The following PCDH7 variants were observed in gnomAD, a reference collection of about 807,000 sequenced individuals.
PCDH7 encodes protocadherin-7.
PCDH7 carries 17 observed loss-of-function variants against 58.9 expected under a neutral mutation model. The ratio of observed to expected loss-of-function variants is 0.29; its 90% CI spans 0.20 to 0.43. The LOEUF is 0.43. PCDH7 is among the 20% of genes least tolerant of loss of function. The pLI, the probability that PCDH7 is intolerant of heterozygous loss-of-function variation, is 1.00. For missense variants in PCDH7, 1,274 were observed against 1,441.0 expected (o/e 0.88, Z 1.88); for synonymous variants, 664 against 616.4 (o/e 1.08, Z -1.14).
chr4:30,821,315 A>G (rs1433123900), intron 1 of PCDH7, among the ~76,000 whole-genome samples: 2 of 152,190 alleles, frequency 1.3e-5, no homozygotes, highest in African/African-American at 4.8e-5. Flanking sequence ...GGGTCAGATA[A>G]GTTTTATCCA....
intron 1 of PCDH7, among the ~76,000 whole-genome samples, chr4:30,744,580 G>C (rs1391844141): frequency 6.6e-6 from 1 of 152,290 alleles, no homozygotes; most frequent in East Asian, 1.9e-4. Flanking sequence ...TATGATAAGG[G>C]TTATAATGGG....
At chr4:30,726,226 A>T (rs1223072750) in intron 1 of PCDH7, among the ~76,000 whole-genome samples, 1 of 152,020 alleles carries the variant, frequency 6.6e-6, no homozygotes, top group Non-Finnish European at 1.5e-5. Flanking sequence ...CTCAAAAATA[A>T]ATTGAGATTT....
intron 1 of PCDH7, chr4:30,724,982 T>C: frequency 9.8e-7 from 1 of 1,022,612 alleles, no homozygotes; most frequent in Non-Finnish European, 1.2e-6. Flanking sequence ...GATAATTACA[T>C]CCAGAGAAAA....
At chr4:30,941,811 G>T (rs1304335160) in intron 2 of PCDH7, among the ~76,000 whole-genome samples, 2 of 151,938 alleles carry the variant, frequency 1.3e-5, no homozygotes, top group South Asian at 2.1e-4. Flanking sequence ...GTAAATCCTA[G>T]ATATGTGTGC....
At chr4:30,870,517 G>C (rs1735448042) in intron 1 of PCDH7, among the ~76,000 whole-genome samples, 1 of 152,054 alleles carries the variant, frequency 6.6e-6, no homozygotes, top group African/African-American at 2.4e-5. Context: ...GGAAATTTTT[G>C]TATTTGTTAT....
intron 3 of PCDH7, among the ~76,000 whole-genome samples, chr4:30,959,852 G>A (rs1748214650): frequency 6.6e-6 from 1 of 151,904 alleles, no homozygotes; most frequent in East Asian, 1.9e-4. Flanking sequence ...ATAATTGAGA[G>A]CTTCCATTTT....
intron 1 of PCDH7, among the ~76,000 whole-genome samples, chr4:30,747,341 A>C (rs192906167): frequency 4.2e-4 from 64 of 152,314 alleles, no homozygotes; most frequent in African/African-American, 1.5e-3. Flanking sequence ...CCCCTGTAAC[A>C]AATTATAATG....
intron 1 of PCDH7, among the ~76,000 whole-genome samples, chr4:30,749,351 A>G (rs1248305706): frequency 6.6e-6 from 1 of 152,164 alleles, no homozygotes; most frequent in Admixed American, 6.5e-5. Flanking sequence ...TGTGTCTTGT[A>G]TGAATGAGAA....
chr4:30,838,456 T>C (rs1423567875), intron 1 of PCDH7, among the ~76,000 whole-genome samples: 1 of 152,082 alleles, frequency 6.6e-6, no homozygotes, highest in Non-Finnish European at 1.5e-5. Context: ...CCTTGCCTCG[T>C]TCTTAACTTA....
At chr4:30,909,070 T>C (rs1741378579) in intron 1 of PCDH7, among the ~76,000 whole-genome samples, 2 of 152,016 alleles carry the variant, frequency 1.3e-5, no homozygotes, top group Admixed American at 1.3e-4. Flanking sequence ...ACAGAACCAA[T>C]GACGAAAATG....
intron 1 of PCDH7, among the ~76,000 whole-genome samples, chr4:30,750,606 T>C (rs1718381269): frequency 6.6e-6 from 1 of 152,164 alleles, no homozygotes; most frequent in Non-Finnish European, 1.5e-5. Context: ...TTCCTAGAGA[T>C]ATTTTGTGTT....
At chr4:31,123,717 T>C (rs2109326955) in intron 3 of PCDH7, among the ~76,000 whole-genome samples, 1 of 152,272 alleles carries the variant, frequency 6.6e-6, no homozygotes, top group Non-Finnish European at 1.5e-5. Context: ...CCATAATTCT[T>C]GTCCAGCGTC....
chr4:31,106,523 A>C (rs529887274), intron 3 of PCDH7, among the ~76,000 whole-genome samples: 1 of 152,008 alleles, frequency 6.6e-6, no homozygotes, highest in African/African-American at 2.4e-5. Context: ...GAGGTTTTAT[A>C]CTCTGCTCCT....
chr4:30,783,062 G>T (rs1171882659), intron 1 of PCDH7: 1 of 152,020 alleles, frequency 6.6e-6, no homozygotes, highest in Non-Finnish European at 1.5e-5. Context: ...TATATCATTT[G>T]TATAAATGAG....
intron 3 of PCDH7, among the ~76,000 whole-genome samples, chr4:31,054,122 T>C (rs113314813): frequency 3.3e-5 from 5 of 152,068 alleles, no homozygotes; most frequent in Non-Finnish European, 7.4e-5. Flanking sequence ...CATACCACCA[T>C]GCCCAGCCAA....
intron 1 of PCDH7, among the ~76,000 whole-genome samples, chr4:30,876,659 T>G (rs2109366531): frequency 6.6e-6 from 1 of 152,150 alleles, no homozygotes; most frequent in African/African-American, 2.4e-5. Flanking sequence ...TATAAGATCA[T>G]TAGGAAGTGA....
chr4:30,854,018 C>T (rs140386229), intron 1 of PCDH7, among the ~76,000 whole-genome samples: 367 of 151,902 alleles, frequency 2.4e-3, no homozygotes, highest in African/African-American at 8.3e-3. Flanking sequence ...TACGCAGAAT[C>T]GGAAACATTC....
downstream of PCDH7, chr4:31,145,915 A>G (rs557036500): frequency 3.7e-4 from 56 of 152,208 alleles, no homozygotes; most frequent in African/African-American, 1.2e-3. Context: ...TATATAAACC[A>G]TATTTGTTTT....
At chr4:31,032,556 C>T (rs1578611151) in intron 3 of PCDH7, among the ~76,000 whole-genome samples, 1 of 146,294 alleles carries the variant, frequency 6.8e-6, no homozygotes, top group African/African-American at 2.5e-5. Context: ...TTCAGTGAGC[C>T]GAGAATGTGC....
Sources: gnomAD v4.1 joint callset for allele counts (sites outside exome capture counted in the v4.1 genomes callset) on GRCh38, gnomAD v4.1.1 for gene constraint, MANE v1.5 for transcripts, NCBI Gene and HGNC (gene_info 2026-07-23, HGNC 2026-07-21) for gene names.